Variants in GRID1 observed in about 807,000 individuals in gnomAD.
The protein encoded by GRID1 is glutamate receptor ionotropic, delta-1.
In GRID1, 28 loss-of-function variants were observed where a neutral mutation model predicts 98.0. That is an observed-to-expected ratio of 0.29 (90% CI 0.21 to 0.39). GRID1 has a LOEUF of 0.39. Ranked by LOEUF, GRID1 falls within the 10% of genes least tolerant of loss-of-function variation. GRID1 has a pLI of 1.00. For synonymous variants in GRID1, 553 were observed against 538.5 expected, an observed-to-expected ratio of 1.03 and a Z score of -0.37; for missense variants, 1,111 against 1,340.5, an observed-to-expected ratio of 0.83 and a Z score of 2.67.
At chr10:86,266,850 G>T (rs1345716623) in intron 2 of GRID1, among the ~76,000 whole-genome samples, 1 of 152,168 alleles carries the variant, frequency 6.6e-6, no homozygotes, top group African/African-American at 2.4e-5. Flanking sequence ...CGGGCTATAG[G>T]ATTGGGTAGT....
At chr10:86,035,466 C>T (rs1843248238) in intron 4 of GRID1, among the ~76,000 whole-genome samples, 1 of 152,206 alleles carries the variant, frequency 6.6e-6, no homozygotes, top group Non-Finnish European at 1.5e-5. Flanking sequence ...AGAGAGTGTG[C>T]TGTGCAAGAT....
At chr10:86,038,586 A>G (rs1212169795) in intron 4 of GRID1, among the ~76,000 whole-genome samples, 1 of 152,166 alleles carries the variant, frequency 6.6e-6, no homozygotes, top group East Asian at 1.9e-4. Context: ...TGCCAGTGAA[A>G]CCATACCCTG....
chr10:86,136,267 C>T (rs1201226757), intron 4 of GRID1, among the ~76,000 whole-genome samples: 4 of 152,180 alleles, frequency 2.6e-5, no homozygotes, highest in African/African-American at 9.7e-5. Context: ...CACATTTCTT[C>T]CCCACCACAC....
chr10:86,359,679 C>T (rs1376091949), intron 2 of GRID1, among the ~76,000 whole-genome samples: 2 of 152,222 alleles, frequency 1.3e-5, no homozygotes, highest in African/African-American at 4.8e-5. Context: ...TATCTAATAA[C>T]TCTCGTCTTT....
chr10:85,992,204 A>C (rs1842688935), intron 4 of GRID1, among the ~76,000 whole-genome samples: 1 of 152,050 alleles, frequency 6.6e-6, no homozygotes, highest in Non-Finnish European at 1.5e-5. Flanking sequence ...AAGCATGGAA[A>C]AGGGGTTTAG....
At chr10:86,071,991 G>C (rs1004423231) in intron 4 of GRID1, among the ~76,000 whole-genome samples, 4 of 152,188 alleles carry the variant, frequency 2.6e-5, no homozygotes, top group Non-Finnish European at 4.4e-5. Context: ...AGGGGAGAAG[G>C]GGCTGGTGCG....
chr10:86,015,302 T>A (rs1842967213), intron 4 of GRID1, among the ~76,000 whole-genome samples: 1 of 152,240 alleles, frequency 6.6e-6, no homozygotes, highest in Non-Finnish European at 1.5e-5. Flanking sequence ...CATTTGGCTT[T>A]CCTTTGGCTT....
At chr10:85,953,425 TA>T (rs1842150376) in intron 4 of GRID1, among the ~76,000 whole-genome samples, 1 of 152,186 alleles carries the variant, frequency 6.6e-6, no homozygotes, top group South Asian at 2.1e-4. Flanking sequence ...CTAGGCTTAA[TA>T]CCTGAGTGAT....
At chr10:86,168,240 G>C (rs901486846) in intron 3 of GRID1, among the ~76,000 whole-genome samples, 17 of 152,220 alleles carry the variant, frequency 1.1e-4, no homozygotes, top group African/African-American at 4.1e-4. Flanking sequence ...ACATTTATGG[G>C]CTGTGTGACT....
intron 2 of GRID1, among the ~76,000 whole-genome samples, chr10:86,308,543 A>C: frequency 6.6e-6 from 1 of 152,210 alleles, no homozygotes; most frequent in East Asian, 1.9e-4. Context: ...ATTGTTCAAA[A>C]GAGAAATCTA....
intron 2 of GRID1, among the ~76,000 whole-genome samples, chr10:86,363,033 CG>C (rs1848621473): frequency 6.6e-6 from 1 of 152,288 alleles, no homozygotes; most frequent in Admixed American, 6.5e-5. Context: ...GGACTTAAGC[CG>C]GGTAAGTGTC....
intron 8 of GRID1, among the ~76,000 whole-genome samples, chr10:85,802,615 A>C (rs1842586811): frequency 6.6e-6 from 1 of 152,082 alleles, no homozygotes; most frequent in South Asian, 2.1e-4. Context: ...AAGGAAAAAA[A>C]ATTAAATTTT....
At chr10:86,249,295 T>G (rs1846782711) in intron 2 of GRID1, among the ~76,000 whole-genome samples, 1 of 152,154 alleles carries the variant, frequency 6.6e-6, no homozygotes, top group South Asian at 2.1e-4. Flanking sequence ...GGCTTGGCAT[T>G]TGGCCACCCA....
intron 3 of GRID1, among the ~76,000 whole-genome samples, chr10:86,158,836 G>A (rs1175753968): frequency 1.3e-5 from 2 of 152,212 alleles, no homozygotes; most frequent in African/African-American, 2.4e-5. Flanking sequence ...GGCTGTAAGT[G>A]TAAAGCCGAG....
chr10:85,699,970 G>A (rs183691210), intron 12 of GRID1, among the ~76,000 whole-genome samples: 1 of 152,296 alleles, frequency 6.6e-6, no homozygotes, highest in Non-Finnish European at 1.5e-5. Context: ...CATCAGAATA[G>A]TTTCTAATGC....
In GRID1 at chr10:85,879,359, AC is replaced by A. The variant is rs540820636; in HGVS notation, c.781-10180del. Among the ~76,000 whole-genome samples, 24 of 152,324 alleles carry A rather than the reference AC, an allele frequency of 1.6e-4. No individual in the cohort carries two copies. In the South Asian group the frequency reaches 4.4e-3, roughly 28 times the overall value. On this transcript the variant is annotated intron_variant, in intron 5 of 15. Coordinates refer to ENST00000327946, the MANE Select transcript of GRID1 (RefSeq NM_017551.3). ...CACCACACCTATTCCAAAACTGACC[AC>A]ATAGTTGGAAGTAAAGCACTCCTCA...
chr10:86,061,133 T>C (rs2131913260), intron 4 of GRID1, among the ~76,000 whole-genome samples: 2 of 152,268 alleles, frequency 1.3e-5, no homozygotes, highest in East Asian at 3.9e-4. Flanking sequence ...GGCTTCACTT[T>C]CCACTCACAT....
intron 3 of GRID1, among the ~76,000 whole-genome samples, chr10:86,165,484 G>A (rs906302007): frequency 2.0e-5 from 3 of 152,224 alleles, no homozygotes; most frequent in Non-Finnish European, 2.9e-5. Flanking sequence ...GAGACAGAGG[G>A]CTGGGAGAAG....
intron 8 of GRID1, among the ~76,000 whole-genome samples, chr10:85,754,947 A>C (rs1415882670): frequency 6.6e-6 from 1 of 152,144 alleles, no homozygotes; most frequent in Admixed American, 6.5e-5. Context: ...TATTTTTATC[A>C]TTGTTACAAT....
Sources: allele counts gnomAD v4.1 joint callset (sites outside exome capture counted in the v4.1 genomes callset), GRCh38; gene constraint gnomAD v4.1.1; transcripts MANE v1.5; gene names NCBI Gene and HGNC (gene_info 2026-07-23, HGNC 2026-07-21).